The following GRID2 variants were observed in gnomAD, a reference collection of about 807,000 sequenced individuals.
The protein encoded by GRID2 is glutamate ionotropic receptor delta type subunit 2, also known as glutamate receptor ionotropic, delta-2.
GRID2 carries 33 observed loss-of-function variants against 114.8 expected under a neutral mutation model. That is an observed-to-expected ratio of 0.29 (90% confidence interval 0.22 to 0.38). The LOEUF (loss-of-function observed/expected upper bound fraction) is 0.38, where lower values mean the gene tolerates loss of function less well. Among genes scored for constraint, GRID2 ranks in the 10% least tolerant of loss-of-function variants. The probability of loss-of-function intolerance (pLI) is 1.00; values close to 1 mark genes in which losing one functional copy is unlikely to be tolerated. For synonymous variants in GRID2, 505 were observed against 449.9 expected, an observed-to-expected ratio of 1.12 and a Z score of -1.55; for missense variants, 1,184 against 1,257.7, an observed-to-expected ratio of 0.94 and a Z score of 0.89.
chr4:93,005,299 A>G (rs1210822915), intron 2 of GRID2, among the ~76,000 whole-genome samples: 2 of 152,098 alleles, frequency 1.3e-5, no homozygotes, highest in Non-Finnish European at 2.9e-5. Flanking sequence ...TTTATCATAT[A>G]TTCTCACTAA....
chr4:93,253,294 A>T (rs1422666813), intron 8 of GRID2, among the ~76,000 whole-genome samples: 1 of 151,954 alleles, frequency 6.6e-6, no homozygotes, highest in East Asian at 1.9e-4. Flanking sequence ...TTCTTACCAT[A>T]ACCAAAATTA....
intron 2 of GRID2, among the ~76,000 whole-genome samples, chr4:93,038,463 C>A (rs1725138696): frequency 6.6e-6 from 1 of 152,086 alleles, no homozygotes; most frequent in African/African-American, 2.4e-5. Context: ...AATGAGATAC[C>A]ATCTTATGCC....
chr4:93,713,750 A>G (rs1728680725), intron 14 of GRID2, among the ~76,000 whole-genome samples: 1 of 152,128 alleles, frequency 6.6e-6, no homozygotes, highest in Non-Finnish European at 1.5e-5. Flanking sequence ...AATCTGGTGA[A>G]TGTCCTAATT....
intron 8 of GRID2, among the ~76,000 whole-genome samples, chr4:93,259,274 A>G (rs1749977055): frequency 2.0e-5 from 3 of 151,824 alleles, no homozygotes. Flanking sequence ...TTAACTTGTC[A>G]CTAGAATATC....
chr4:93,274,820 C>G (rs1751871909), intron 8 of GRID2, among the ~76,000 whole-genome samples: 1 of 152,012 alleles, frequency 6.6e-6, no homozygotes, highest in Admixed American at 6.6e-5. Flanking sequence ...AAAGTCTAGT[C>G]TCTGAATTTT....
chr4:93,199,748 C>T (rs1169063891), intron 4 of GRID2, among the ~76,000 whole-genome samples: 2 of 152,128 alleles, frequency 1.3e-5, no homozygotes, highest in South Asian at 2.1e-4. Context: ...CCATGCTGCC[C>T]AGTGTTGGCG....
intron 1 of GRID2, among the ~76,000 whole-genome samples, chr4:92,312,716 A>T (rs1220392340): frequency 6.6e-6 from 1 of 152,090 alleles, no homozygotes; most frequent in African/African-American, 2.4e-5. Context: ...TTTGAGCTGT[A>T]CATTTGGGGA....
chr4:92,818,937 T>C (rs940662037), intron 2 of GRID2, among the ~76,000 whole-genome samples: 2 of 152,110 alleles, frequency 1.3e-5, no homozygotes, highest in African/African-American at 4.8e-5. Flanking sequence ...CTATAGCATA[T>C]AATTTTTCTC....
chr4:93,076,320 A>G (rs990179530), intron 2 of GRID2, among the ~76,000 whole-genome samples: 8 of 152,162 alleles, frequency 5.3e-5, no homozygotes, highest in African/African-American at 1.9e-4. Context: ...TGAAAATGTA[A>G]ATCAGTGTCA....
At chr4:92,876,101 T>C (rs1375473521) in intron 2 of GRID2, among the ~76,000 whole-genome samples, 2 of 151,950 alleles carry the variant, frequency 1.3e-5, no homozygotes, top group East Asian at 3.9e-4. Context: ...ATTCTAATAT[T>C]TTTGGCTTTT....
intron 1 of GRID2, among the ~76,000 whole-genome samples, chr4:92,361,127 A>G (rs1560586562): frequency 6.6e-6 from 1 of 151,998 alleles, no homozygotes. Flanking sequence ...TAGGTTAGGT[A>G]CTATTATTAC....
intron 2 of GRID2, among the ~76,000 whole-genome samples, chr4:92,626,556 T>C (rs1406188922): frequency 6.6e-6 from 1 of 152,074 alleles, no homozygotes; most frequent in Non-Finnish European, 1.5e-5. Flanking sequence ...GAGAATTTAT[T>C]GTATGAGAAG....
At chr4:92,482,048 A>G (rs1482715735) in intron 1 of GRID2, among the ~76,000 whole-genome samples, 1 of 125,926 alleles carries the variant, frequency 7.9e-6, no homozygotes, top group Non-Finnish European at 1.7e-5. Context: ...TAACAATACA[A>G]GCTTATAGCT....
intron 13 of GRID2, among the ~76,000 whole-genome samples, chr4:93,623,126 G>T (rs1742363980): frequency 6.6e-6 from 1 of 151,918 alleles, no homozygotes; most frequent in Non-Finnish European, 1.5e-5. Flanking sequence ...TTAAAGAGAG[G>T]TAAAAGTTTT....
chr4:93,386,810 G>A (rs566315126), intron 8 of GRID2, among the ~76,000 whole-genome samples: 1 of 152,088 alleles, frequency 6.6e-6, no homozygotes, highest in Non-Finnish European at 1.5e-5. Flanking sequence ...TGTCCTCCAG[G>A]GTACCCACTC....
chr4:92,313,231 G>C (rs2110112699), intron 1 of GRID2, among the ~76,000 whole-genome samples: 1 of 152,114 alleles, frequency 6.6e-6, no homozygotes, highest in African/African-American at 2.4e-5. Context: ...TTCAGGAATG[G>C]AAAACTAAAC....
At chr4:93,095,492 G>T (rs1369634006) in intron 3 of GRID2, among the ~76,000 whole-genome samples, 1 of 151,912 alleles carries the variant, frequency 6.6e-6, no homozygotes, top group East Asian at 1.9e-4. Context: ...AAAACACAAA[G>T]AATTTGAAAA....
In GRID2 at chr4:93,455,622, TCA is replaced by T. The variant is rs760873265; in HGVS notation, c.1546-36_1546-35del. 3 of 1,380,534 alleles carry T rather than the reference TCA, an allele frequency of 2.2e-6. No homozygotes were observed. In the Admixed American group the frequency reaches 5.3e-5, roughly 24 times the overall value. 85.5% of individuals were successfully genotyped at this position (1,380,534 alleles called of 1,614,324 possible). On this transcript the variant is annotated intron_variant, in intron 10 of 15. Transcript: ENST00000282020. ...GAAGTGGCACAAATGAAATTGTTTT[TCA>T]CACTGTTAATGTATTCCTTTCTCTT...
intron 12 of GRID2, 49 bp from the exon 13 acceptor site, chr4:93,515,167 A>G (rs1276852187): frequency 2.6e-6 from 2 of 783,410 alleles, no homozygotes; most frequent in East Asian, 2.9e-5. Context: ...CCACTTGAAA[A>G]TACTCAGTAA....
Sources: gnomAD v4.1 joint callset for allele counts (sites outside exome capture counted in the v4.1 genomes callset) on GRCh38, gnomAD v4.1.1 for gene constraint, MANE v1.5 for transcripts, NCBI Gene and HGNC (gene_info 2026-07-23, HGNC 2026-07-21) for gene names.